The following TECPR2 variants were observed in gnomAD, a reference collection of about 807,000 sequenced individuals.
The protein encoded by TECPR2 is tectonin beta-propeller repeat containing 2.
Under a neutral mutation model 138.1 loss-of-function variants are expected in TECPR2, and 65 were observed. The ratio of observed to expected loss-of-function variants is 0.47; its 90% confidence interval spans 0.39 to 0.58. The LOEUF (loss-of-function observed/expected upper bound fraction) is 0.58, where lower values mean the gene tolerates loss of function less well. Among genes scored for constraint, TECPR2 ranks in the 20% least tolerant of loss-of-function variants. The probability of loss-of-function intolerance (pLI) is 0.00; values close to 1 mark genes in which losing one functional copy is unlikely to be tolerated. For synonymous variants in TECPR2, 746 were observed against 749.8 expected (o/e 0.99, Z 0.08); for missense variants, 1,553 against 1,824.5 (o/e 0.85, Z 2.71).
chr14:102,471,143 G>T (rs1337116205), intron 17 of TECPR2, among the ~76,000 whole-genome samples: 1 of 151,686 alleles, frequency 6.6e-6, no homozygotes, highest in Non-Finnish European at 1.5e-5. Context: ...GTAGAGATAG[G>T]GTTTCACTAT....
chr14:102,400,423 T>G (rs1475870271), intron 2 of TECPR2, among the ~76,000 whole-genome samples: 1 of 152,184 alleles, frequency 6.6e-6, no homozygotes, highest in Non-Finnish European at 1.5e-5. Flanking sequence ...ATTATTTACT[T>G]TATGGTTTGG....
Position 102,363,045 on chromosome 14 carries a change from C to T in TECPR2, c.-144C>T, listed in dbSNP as rs1887220467. On this transcript the variant is annotated 5_prime_UTR_variant, in exon 1 of 20. Transcript: ENST00000359520. The stretch of plus-strand genomic sequence containing the variant: ...CCAGGGAACAGGCTCCCGGCAGCCC[C>T]CGCGGCCCGGAGTCCATCCCGCCTC... 4.6e-6 allele frequency: 3 copies of T among 647,776 alleles called. No individual in the cohort carries two copies. Among genetic ancestry groups the T allele is most frequent in the African/African-American group, 3.8e-5 (2 of 52,418 alleles). 40.1% of individuals were successfully genotyped at this position (647,776 alleles called of 1,614,324 possible). A position where few individuals can be genotyped will look rare whatever the true frequency, so the allele number is the denominator to read the frequency against.
chr14:102,481,339 G>T (rs1466065969), intron 17 of TECPR2, among the ~76,000 whole-genome samples: 1 of 152,150 alleles, frequency 6.6e-6, no homozygotes, highest in Non-Finnish European at 1.5e-5. Context: ...AGTAGAGATG[G>T]GGTTTCACTG....
At chr14:102,462,241 T>C (rs1051386020) in intron 16 of TECPR2, among the ~76,000 whole-genome samples, 2 of 152,212 alleles carry the variant, frequency 1.3e-5, no homozygotes, top group Non-Finnish European at 2.9e-5. Context: ...TGTAAAATTG[T>C]CTTTTAATTA....
At chr14:102,378,719 G>C (rs1257699257) in intron 2 of TECPR2, among the ~76,000 whole-genome samples, 1 of 152,088 alleles carries the variant, frequency 6.6e-6, no homozygotes, top group Non-Finnish European at 1.5e-5. Context: ...CCACCTCCCA[G>C]GTTCAAGCAA....
chr14:102,362,994 G>A lies in TECPR2; in HGVS notation c.-195G>A, dbSNP rs1380899727. 2 of 1,137,362 alleles carry A rather than the reference G, an allele frequency of 1.8e-6. No homozygotes were observed. The highest frequency in any genetic ancestry group is 2.6e-5 in the East Asian group (1 of 38,502). 70.5% of individuals were successfully genotyped at this position (1,137,362 alleles called of 1,614,324 possible). Reference sequence around the variant, plus strand: ...GCGGAGCCAGCTGCTGCTCTTCGGTGCTGGCCCCGGTGCCGGCCCCGTTGC... The same window carrying A: ...GCGGAGCCAGCTGCTGCTCTTCGGTACTGGCCCCGGTGCCGGCCCCGTTGC... On this transcript the variant is annotated 5_prime_UTR_variant, in exon 1 of 20. Transcript: ENST00000359520.
chr14:102,399,762 T>TGGGA (rs1169238670), intron 2 of TECPR2, among the ~76,000 whole-genome samples: 1 of 149,838 alleles, frequency 6.7e-6, no homozygotes, highest in Non-Finnish European at 1.5e-5. Context: ...ACCCAGGAGG[T>TGGGA]GGAGGTTGTA....
chr14:102,426,999 T>TG (rs1567335764), intron 6 of TECPR2, among the ~76,000 whole-genome samples: 1 of 150,458 alleles, frequency 6.6e-6, no homozygotes, highest in South Asian at 2.1e-4. Context: ...TGGCCCGGGG[T>TG]GGGGGGCAGA....
chr14:102,400,386 A>G (rs1210220948), intron 2 of TECPR2, among the ~76,000 whole-genome samples: 2 of 152,168 alleles, frequency 1.3e-5, no homozygotes, highest in Non-Finnish European at 2.9e-5. Context: ...TTTTTTTGGT[A>G]AAATAATTTC....
At chr14:102,479,573 C>G (rs1890839946) in intron 17 of TECPR2, among the ~76,000 whole-genome samples, 1 of 152,172 alleles carries the variant, frequency 6.6e-6, no homozygotes. Flanking sequence ...TGTGGAAATT[C>G]TTTGGCCTGA....
In TECPR2 at chr14:102,452,377, A is replaced by G. The variant is rs745415269; in HGVS notation, c.3407-17A>G. 13 of 1,599,052 alleles carry G rather than the reference A, an allele frequency of 8.1e-6. No individual in the cohort carries two copies. Among genetic ancestry groups the G allele is most frequent in the Admixed American group, 1.7e-5 (1 of 59,582 alleles). On this transcript the variant is annotated splice_polypyrimidine_tract_variant and intron_variant, in intron 15 of 19. Transcript: ENST00000359520. ...TGCAGACAACACCTCGATGACAAAC[A>G]TGACCCCTTTCTGCAGGAAGCTTCC...
Position 102,404,446 on chromosome 14 carries a change from A to T in TECPR2, c.220-2892A>T, listed in dbSNP as rs1021461921. Among the ~76,000 whole-genome samples the T allele has an allele frequency of 7.9e-4, 121 of 152,300 alleles. 1 individual carries two copies. Among genetic ancestry groups the T allele is most frequent in the Non-Finnish European group, 2.9e-5 (2 of 68,022 alleles). On this transcript the variant is annotated intron_variant, in intron 2 of 19. Coordinates refer to ENST00000359520, the MANE Select transcript of TECPR2 (RefSeq NM_014844.5). Reference sequence around the variant, plus strand: ...CTTAACTGCAAAAATGCAGTCATTGAAACAGTGTATTGGACTTGGCTGTGG... The same window carrying T: ...CTTAACTGCAAAAATGCAGTCATTGTAACAGTGTATTGGACTTGGCTGTGG...
chr14:102,488,002 T>G (rs368420068), intron 17 of TECPR2, among the ~76,000 whole-genome samples: 1 of 150,730 alleles, frequency 6.6e-6, no homozygotes, highest in Non-Finnish European at 1.5e-5. Flanking sequence ...CCACCACACC[T>G]GGCTAATTTT....
chr14:102,465,026 G>A (rs916119750), intron 16 of TECPR2, 115 bp from the exon 17 acceptor site: 35 of 1,307,664 alleles, frequency 2.7e-5, no homozygotes, highest in Non-Finnish European at 3.1e-5. Context: ...AAGTTCAATT[G>A]CAAATGCAGC....
Position 102,498,833 on chromosome 14 carries a change from C to G in TECPR2, c.*576C>G, listed in dbSNP as rs1402816864. ...GCTTGAGAGGAGAGCGCTGGCCATG[C>G]CAGGAGAGAACCCACGCACATGCAC... On this transcript the variant is annotated 3_prime_UTR_variant, in exon 20 of 20. Transcript: ENST00000359520. The G allele has an allele frequency of 4.9e-6, 3 of 611,058 alleles. No individual in the cohort carries two copies. Among genetic ancestry groups the G allele is most frequent in the Admixed American group, 2.1e-5 (1 of 47,068 alleles). 37.9% of individuals were successfully genotyped at this position (611,058 alleles called of 1,614,324 possible).
intron 7 of TECPR2, among the ~76,000 whole-genome samples, chr14:102,430,754 C>T (rs1450723405): frequency 1.3e-5 from 2 of 152,212 alleles, no homozygotes; most frequent in Non-Finnish European, 2.9e-5. Flanking sequence ...CCTGTTCTCA[C>T]TCTGCGGTCT....
chr14:102,439,221 A>T (rs1181881615), intron 10 of TECPR2, among the ~76,000 whole-genome samples: 1 of 152,052 alleles, frequency 6.6e-6, no homozygotes, highest in Non-Finnish European at 1.5e-5. Context: ...CAGTGGGGAC[A>T]CTTTTGCCTT....
intron 19 of TECPR2, 85 bp from the exon 20 acceptor site, chr14:102,498,018 C>A: frequency 1.2e-6 from 1 of 824,160 alleles, no homozygotes; most frequent in Admixed American, 2.7e-5. Context: ...CAAGCCCAGA[C>A]CTGCGCCCAA....
At chr14:102,480,225 T>A (rs12372905) in intron 17 of TECPR2, among the ~76,000 whole-genome samples, 1 of 21,894 alleles carries the variant, frequency 4.6e-5, no homozygotes, top group Non-Finnish European at 8.7e-5. Context: ...TTTTTTTTTT[T>A]TTTTTATTGA....
Sources: allele counts gnomAD v4.1 joint callset (sites outside exome capture counted in the v4.1 genomes callset), GRCh38; gene constraint gnomAD v4.1.1; transcripts MANE v1.5; gene names NCBI Gene and HGNC (gene_info 2026-07-23, HGNC 2026-07-21).